RPE: variants seen among roughly 807,000 people sequenced by gnomAD.
The protein encoded by RPE is ribulose-5-phosphate-3-epimerase, also known as ribulose-phosphate 3-epimerase.
A neutral mutation model predicts 24.6 loss-of-function variants in RPE; 16 were observed. The observed-to-expected ratio is 0.65, with a 90% CI of 0.44 to 0.99. RPE has a LOEUF of 0.99. Among genes scored for constraint, RPE ranks in the 50% least tolerant of loss-of-function variants. RPE has a pLI of 0.00. For missense variants in RPE, 240 were observed against 294.5 expected (o/e 0.81, Z 1.35); for synonymous variants, 93 against 98.4 (o/e 0.94, Z 0.33).
chr2:210,017,611 C>A, intron 5 of RPE, 52 bp downstream of exon 5: 1 of 1,522,518 alleles, frequency 6.6e-7, no homozygotes, highest in Non-Finnish European at 9.1e-7. Flanking sequence ...AAATATGTCT[C>A]CAGGACATTG....
chr2:210,019,073 TTTTC>T (rs1294472584), intron 5 of RPE, among the ~76,000 whole-genome samples: 2 of 152,204 alleles, frequency 1.3e-5, no homozygotes, highest in Non-Finnish European at 2.9e-5. Context: ...ATTTTTTAGC[TTTTC>T]TTTTTCAATT....
At chr2:210,011,311 T>G (rs1048077036) in intron 2 of RPE, among the ~76,000 whole-genome samples, 1 of 152,180 alleles carries the variant, frequency 6.6e-6, no homozygotes, top group Non-Finnish European at 1.5e-5. Flanking sequence ...CCATGAGAGG[T>G]AGATGAAATA....
intron 2 of RPE, among the ~76,000 whole-genome samples, chr2:210,011,094 A>C (rs1242593417): frequency 6.6e-6 from 1 of 152,166 alleles, no homozygotes; most frequent in Admixed American, 6.5e-5. Context: ...TGTAGGATCT[A>C]TCTACTTTGA....
Position 210,019,948 on chromosome 2 carries a change from A to G in RPE, c.*157A>G, listed in dbSNP as rs909316409. On this transcript the variant is annotated 3_prime_UTR_variant, in exon 6 of 6. Transcript: ENST00000359429. ...AACTGATTGTGCAGAATATTCTAAG[A>G]GGTCAGAAATTGGTGTGTATAACTA... 6.0e-6 allele frequency: 6 copies of G among 995,328 alleles called. No individual in the cohort carries two copies. The highest frequency in any genetic ancestry group is 8.4e-6 in the Non-Finnish European group (6 of 712,600). The allele number at this position is 995,328 out of a possible 1,614,324, so 61.7% of individuals were successfully genotyped here.
At chr2:210,002,813 C>G (rs2093578660) in intron 1 of RPE, 30 bp downstream of exon 1, 2 of 1,614,058 alleles carry the variant, frequency 1.2e-6, no homozygotes, top group Non-Finnish European at 8.5e-7. Context: ...GTCGGGCTTG[C>G]CGCGCGGCGG....
In RPE at chr2:210,017,552, G is replaced by A; in HGVS notation, c.557G>A (p.Cys186Tyr). Reference sequence around the variant, plus strand: ...GTAGGTCCTGACACTGTCCATAAATGTGCAGAGGTGAGATTGCTCTTCAAC... The same window carrying A: ...GTAGGTCCTGACACTGTCCATAAATATGCAGAGGTGAGATTGCTCTTCAAC... ...GGVGPDTVHK[C>Y]AEAGANMIVS... The change falls in exon 5 of 6, where the codon TGT (cysteine) becomes TAT (tyrosine). Residue 186 changes from cysteine to tyrosine, a missense_variant. Transcript: ENST00000359429. The A allele has an allele frequency of 6.2e-7, 1 of 1,613,818 alleles. No individual in the cohort carries two copies. The highest frequency in any genetic ancestry group is 8.5e-7 in the Non-Finnish European group (1 of 1,179,922).
rs1218458280 is a variant in RPE, at chr2:210,019,846, A to G, written c.*55A>G. 3.8e-6 allele frequency: 6 copies of G among 1,563,492 alleles called. No individual in the cohort carries two copies. The highest frequency in any genetic ancestry group is 1.7e-4 in the Middle Eastern group (1 of 5,822). On this transcript the variant is annotated 3_prime_UTR_variant, in exon 6 of 6. Transcript: ENST00000359429. ...TGAAATCTCCCTTTTACTGGAAAAC[A>G]GGAATATTGACTACCAAATCACAAT... is the stretch of plus-strand genomic sequence containing the variant.
chr2:210,018,595 A>G, intron 5 of RPE: 1 of 985,224 alleles, frequency 1.0e-6, no homozygotes, highest in Non-Finnish European at 1.2e-6. Context: ...AGTAGTAAAT[A>G]CTTATGCAGG....
At chr2:210,003,496 C>G (rs78530595) in intron 1 of RPE, 1 of 1,266,114 alleles carries the variant, frequency 7.9e-7, no homozygotes, top group East Asian at 5.6e-5. Context: ...ACCGTAGTTA[C>G]AGCACATAAT....
chr2:210,015,678 A>G (rs1214740500), intron 2 of RPE, among the ~76,000 whole-genome samples: 2 of 152,178 alleles, frequency 1.3e-5, no homozygotes, highest in Non-Finnish European at 2.9e-5. Flanking sequence ...AGTTTTTTAG[A>G]GTGGCATTTC....
chr2:210,010,567 A>G (rs1038706802), intron 2 of RPE, among the ~76,000 whole-genome samples: 1 of 152,132 alleles, frequency 6.6e-6, no homozygotes, highest in Non-Finnish European at 1.5e-5. Context: ...CTAGCCATAA[A>G]TAGTTTTTTT....
chr2:210,005,523 G>A (rs1468160698), intron 1 of RPE, among the ~76,000 whole-genome samples: 1 of 152,128 alleles, frequency 6.6e-6, no homozygotes, highest in African/African-American at 2.4e-5. Context: ...TGACTAGAAT[G>A]TGTTCATCCT....
intron 1 of RPE, among the ~76,000 whole-genome samples, chr2:210,008,200 CAT>C (rs1339377710): frequency 1.3e-5 from 2 of 152,024 alleles, no homozygotes; most frequent in Admixed American, 6.5e-5. Context: ...CAATCTCTGT[CAT>C]AGGAACTGTA....
chr2:210,016,367 T>G, intron 3 of RPE, 140 bp from the exon 4 acceptor site: 1 of 1,562,352 alleles, frequency 6.4e-7, no homozygotes, highest in Admixed American at 2.0e-5. Flanking sequence ...AAGCTACTGC[T>G]TGTTGAAAAT....
At chr2:210,017,715 C>A in intron 5 of RPE, 156 bp downstream of exon 5, 3 of 574,234 alleles carry the variant, frequency 5.2e-6, no homozygotes, top group Non-Finnish European at 6.2e-6. Flanking sequence ...GGAAAATAAA[C>A]AGCCATAAGT....
rs181512592 is a variant in RPE at position 210,020,942 on chromosome 2, T to G, written c.*1151T>G. ...AGGTGGGTTAGGTAAAAGAAGCTTT[T>G]TACTTAACGTTGTCTTATTTCCAGT... On this transcript the variant is annotated 3_prime_UTR_variant, in exon 6 of 6. Coordinates refer to ENST00000359429, the MANE Select transcript of RPE (RefSeq NM_199229.3). 6.6e-6 allele frequency: 1 copy of G among 152,438 alleles called. No individual in the cohort carries two copies. Among genetic ancestry groups the G allele is most frequent in the East Asian group, 1.9e-4 (1 of 5,188 alleles). 9.4% of individuals were successfully genotyped at this position (152,438 alleles called of 1,614,324 possible). A position where few individuals can be genotyped will look rare whatever the true frequency, so the allele number is the denominator to read the frequency against.
At chr2:210,017,775 C>G (rs189931337) in intron 5 of RPE, 1 of 538,970 alleles carries the variant, frequency 1.9e-6, no homozygotes, top group East Asian at 3.7e-5. Context: ...GAGACAGTCT[C>G]TCTTTGTGGC....
chr2:210,017,598 G>A (rs779936212), intron 5 of RPE, 39 bp downstream of exon 5: 17 of 1,565,118 alleles, frequency 1.1e-5, no homozygotes, highest in East Asian at 4.5e-5. Flanking sequence ...CCAATTTCCC[G>A]TCAAATATGT....
In RPE at chr2:210,020,534, T is replaced by C. The variant is rs1195206624; in HGVS notation, c.*743T>C. 1.2e-5 allele frequency: 2 copies of C among 166,972 alleles called. No homozygotes were observed. Among genetic ancestry groups the C allele is most frequent in the Non-Finnish European group, 2.9e-5 (2 of 68,102 alleles). The allele number at this position is 166,972 out of a possible 1,614,324, so 10.3% of individuals were successfully genotyped here. A position where few individuals can be genotyped will look rare whatever the true frequency, so the allele number is the denominator to read the frequency against. On this transcript the variant is annotated 3_prime_UTR_variant, in exon 6 of 6. Coordinates refer to ENST00000359429, the MANE Select transcript of RPE (RefSeq NM_199229.3). The stretch of plus-strand genomic sequence containing the variant: ...GACTGCCCCTTTCTAGCTGGACCTT[T>C]AACAAATCACCCAATCTTTTTTGTG...
Sources: gnomAD v4.1 joint callset for allele counts (sites outside exome capture counted in the v4.1 genomes callset) on GRCh38, gnomAD v4.1.1 for gene constraint, MANE v1.5 for transcripts, NCBI Gene and HGNC (gene_info 2026-07-23, HGNC 2026-07-21) for gene names.